The following PCDHA6 variants were observed in gnomAD, a reference collection of about 807,000 sequenced individuals.
PCDHA6 encodes protocadherin alpha-6.
Under a neutral mutation model 60.3 loss-of-function variants are expected in PCDHA6, and 55 were observed. The ratio of observed to expected loss-of-function variants is 0.91; its 90% confidence interval spans 0.73 to 1.14. The LOEUF is 1.14. Ranked by LOEUF, PCDHA6 falls within the 50% of genes most tolerant of loss-of-function variation. The pLI is 0.00. For synonymous variants in PCDHA6, 652 were observed against 557.9 expected (o/e 1.17, Z -2.38); for missense variants, 1,327 against 1,256.5 (o/e 1.06, Z -0.85).
chr5:140,883,547 G>A (rs782704587), intron 1 of PCDHA6: 2 of 1,614,234 alleles, frequency 1.2e-6, no homozygotes, highest in Admixed American at 1.7e-5. Flanking sequence ...GGTGGTGACC[G>A]CGCGGGACGG....
intron 1 of PCDHA6, among the ~76,000 whole-genome samples, chr5:140,845,529 C>T (rs1215652853): frequency 6.7e-6 from 1 of 149,420 alleles, no homozygotes; most frequent in Non-Finnish European, 1.5e-5. Context: ...TAATACTTTT[C>T]ACTATTCTAA....
intron 1 of PCDHA6, among the ~76,000 whole-genome samples, chr5:140,910,210 G>A (rs987095100): frequency 6.6e-6 from 1 of 152,120 alleles, no homozygotes; most frequent in Non-Finnish European, 1.5e-5. Context: ...ACTTGACCTG[G>A]AAGTTTTCTG....
In PCDHA6 at chr5:140,879,424, A is replaced by T. The variant is rs181418893; in HGVS notation, c.2394+48939A>T. Reference sequence around the variant, plus strand: ...GTATTTGAGCAGGTAGGGAATGGAGATGAACATTTAAGAAAATGTTACTTT... The same window carrying T: ...GTATTTGAGCAGGTAGGGAATGGAGTTGAACATTTAAGAAAATGTTACTTT... On this transcript the variant is annotated intron_variant, in intron 1 of 3. Coordinates refer to ENST00000529310, the MANE Select transcript of PCDHA6 (RefSeq NM_018909.4). Among the ~76,000 whole-genome samples, 1,178 of 152,344 alleles carry T rather than the reference A, an allele frequency of 7.7e-3. 4 individuals carry two copies. The highest frequency in any genetic ancestry group is 0.013 in the Admixed American group (206 of 15,298).
rs1407676200 is a variant in PCDHA6 at position 140,843,151 on chromosome 5, G to A, written c.2394+12666G>A. 6 of 1,596,104 alleles carry A rather than the reference G, an allele frequency of 3.8e-6. 1 individual carries two copies. The highest frequency in any genetic ancestry group is 5.1e-6 in the Non-Finnish European group (6 of 1,165,608). On this transcript the variant is annotated intron_variant, in intron 1 of 3. Coordinates refer to ENST00000529310, the MANE Select transcript of PCDHA6 (RefSeq NM_018909.4). ...GCTACAACGCGTGGCTTTCGTATGA[G>A]CTGCAGCCAGCTGCAAGCAGCCCTC...
chr5:140,830,645 T>C, intron 1 of PCDHA6, 160 bp downstream of exon 1: 1 of 469,736 alleles, frequency 2.1e-6, no homozygotes, highest in Non-Finnish European at 3.4e-6. Context: ...CTTTGCTTCT[T>C]TAATATTCAT....
chr5:141,000,136 G>A (rs2097893947), intron 3 of PCDHA6, among the ~76,000 whole-genome samples: 2 of 152,034 alleles, frequency 1.3e-5, no homozygotes, highest in South Asian at 4.1e-4. Flanking sequence ...TTCACAAGAA[G>A]TAAACAAAAC....
chr5:140,943,131 G>T (rs1360196674), intron 1 of PCDHA6, among the ~76,000 whole-genome samples: 1 of 151,626 alleles, frequency 6.6e-6, no homozygotes, highest in Non-Finnish European at 1.5e-5. Flanking sequence ...GGTAGTGGGT[G>T]CCTGTAGTCC....
chr5:140,904,940 A>G (rs368833420), intron 1 of PCDHA6, among the ~76,000 whole-genome samples: 1 of 152,136 alleles, frequency 6.6e-6, no homozygotes, highest in African/African-American at 2.4e-5. Context: ...TCTGGATATT[A>G]GTCCTTTGTC....
chr5:140,968,099 G>A, intron 1 of PCDHA6: 3 of 1,614,100 alleles, frequency 1.9e-6, no homozygotes, highest in South Asian at 1.1e-5. Flanking sequence ...CACAGATGGG[G>A]GAATACCGCA....
chr5:140,856,338 G>T lies in PCDHA6; in HGVS notation c.2394+25853G>T, dbSNP rs781903292. The T allele has an allele frequency of 3.9e-5, 62 of 1,598,498 alleles. 11 individuals are homozygous for T. In the Admixed American group the frequency reaches 1.0e-3, roughly 27 times the overall value. On this transcript the variant is annotated intron_variant, in intron 1 of 3. Coordinates refer to ENST00000529310, the MANE Select transcript of PCDHA6 (RefSeq NM_018909.4). ...ATTGACCGCGAGGAGCTGTGCGGGC[G>T]GAGCGTGGAGTGCAGCATCCACCTG...
At chr5:140,914,596 C>A (rs1454753124) in intron 1 of PCDHA6, among the ~76,000 whole-genome samples, 1 of 152,128 alleles carries the variant, frequency 6.6e-6, no homozygotes, top group Non-Finnish European at 1.5e-5. Flanking sequence ...TAAGTAGGAA[C>A]TTCCTCCTGC....
intron 1 of PCDHA6, chr5:140,884,066 G>T (rs2059975136): frequency 6.2e-7 from 1 of 1,613,514 alleles, no homozygotes; most frequent in Non-Finnish European, 8.5e-7. Context: ...GGTGGACGCC[G>T]ATTCGGGCTA....
chr5:140,858,198 C>G, intron 1 of PCDHA6: 1 of 1,597,410 alleles, frequency 6.3e-7, no homozygotes, highest in Admixed American at 1.7e-5. Flanking sequence ...CTGCTGTACA[C>G]TGCACTGAGG....
chr5:140,921,932 T>C (rs1249285993), intron 1 of PCDHA6, among the ~76,000 whole-genome samples: 1 of 152,080 alleles, frequency 6.6e-6, no homozygotes, highest in Non-Finnish European at 1.5e-5. Context: ...ATAGTCAATA[T>C]AATTTTACAC....
At chr5:140,985,740 T>TG (rs1554247304) in intron 3 of PCDHA6, among the ~76,000 whole-genome samples, 2 of 53,688 alleles carry the variant, frequency 3.7e-5, no homozygotes, top group Admixed American at 1.9e-4. Flanking sequence ...GATGAATTCC[T>TG]TTTTTTTTTT....
At chr5:140,882,768 C>T (rs1554175511) in intron 1 of PCDHA6, 1 of 1,614,222 alleles carries the variant, frequency 6.2e-7, no homozygotes, top group East Asian at 2.2e-5. Context: ...GTAAACTCGG[C>T]ATTGACCTAC....
chr5:140,870,987 C>T (rs782771467), intron 1 of PCDHA6: 51 of 1,613,334 alleles, frequency 3.2e-5, no homozygotes, highest in Non-Finnish European at 4.1e-5. Context: ...TGTACACGGG[C>T]GAGATAAGCA....
At chr5:140,953,952 C>T (rs1025145135) in intron 1 of PCDHA6, among the ~76,000 whole-genome samples, 1 of 152,084 alleles carries the variant, frequency 6.6e-6, no homozygotes, top group Non-Finnish European at 1.5e-5. Context: ...GCTCCCCCAA[C>T]AGGCCCCAGT....
intron 1 of PCDHA6, chr5:140,968,986 A>C (rs143656335): frequency 6.8e-6 from 11 of 1,614,206 alleles, no homozygotes; most frequent in East Asian, 6.7e-5. Context: ...ATGGCACTGC[A>C]TGCTGTGGAG....
Sources: allele counts gnomAD v4.1 joint callset (sites outside exome capture counted in the v4.1 genomes callset), GRCh38; gene constraint gnomAD v4.1.1; transcripts MANE v1.5; gene names NCBI Gene and HGNC (gene_info 2026-07-23, HGNC 2026-07-21).